Variants in TLN2 observed in about 807,000 individuals in gnomAD.
TLN2 encodes the protein talin-2.
In TLN2, 118 loss-of-function variants were observed where a neutral mutation model predicts 294.7. The observed-to-expected ratio is 0.40, with a 90% CI of 0.34 to 0.47. TLN2 has a LOEUF of 0.47. Ranked by LOEUF, TLN2 falls within the 20% of genes least tolerant of loss-of-function variation. TLN2 has a pLI of 0.84. For missense variants in TLN2, 3,083 were observed against 3,282.2 expected, an observed-to-expected ratio of 0.94 and a Z score of 1.48; for synonymous variants, 1,431 against 1,304.5, an observed-to-expected ratio of 1.10 and a Z score of -2.09.
chr15:62,569,834 G>A (rs2043718037), intron 1 of TLN2, among the ~76,000 whole-genome samples: 1 of 152,182 alleles, frequency 6.6e-6, no homozygotes, highest in Non-Finnish European at 1.5e-5. Flanking sequence ...CAAATGAGAA[G>A]CTATGATTTG....
chr15:62,730,616 T>C (rs2060671355), intron 28 of TLN2, among the ~76,000 whole-genome samples: 1 of 152,248 alleles, frequency 6.6e-6, no homozygotes, highest in Non-Finnish European at 1.5e-5. Flanking sequence ...GTGGATAATA[T>C]CACTTACACA....
At chr15:62,723,129 C>G (rs2060245819) in intron 26 of TLN2, among the ~76,000 whole-genome samples, 1 of 152,122 alleles carries the variant, frequency 6.6e-6, no homozygotes, top group Non-Finnish European at 1.5e-5. Context: ...TTGTAGCAAT[C>G]CCTTTATAGA....
At chr15:62,809,819 C>A (rs2066555207) in intron 51 of TLN2, 106 bp from the exon 52 acceptor site, 3 of 980,678 alleles carry the variant, frequency 3.1e-6, no homozygotes, top group African/African-American at 1.6e-5. Flanking sequence ...GGAGTCAGGG[C>A]AGTTTCTTGA....
chr15:62,670,432 C>A (rs539651657), intron 9 of TLN2, among the ~76,000 whole-genome samples: 4 of 152,232 alleles, frequency 2.6e-5, no homozygotes, highest in Admixed American at 2.6e-4. Context: ...ATGTTGGTGC[C>A]GTCCAATTCT....
chr15:62,792,547 C>T (rs2065146654), intron 45 of TLN2, 94 bp from the exon 46 acceptor site: 1 of 1,517,146 alleles, frequency 6.6e-7, no homozygotes, highest in Non-Finnish European at 8.9e-7. Context: ...AGCCAGGCTC[C>T]CATAGGACAT....
intron 1 of TLN2, among the ~76,000 whole-genome samples, chr15:62,555,182 T>G (rs1028372259): frequency 2.0e-5 from 3 of 152,174 alleles, no homozygotes; most frequent in Admixed American, 2.0e-4. Context: ...GAGAGGCCCT[T>G]AGTAGAATGT....
chr15:62,532,006 G>A (rs918728098), intron 1 of TLN2, among the ~76,000 whole-genome samples: 1 of 151,830 alleles, frequency 6.6e-6, no homozygotes, highest in Non-Finnish European at 1.5e-5. Flanking sequence ...TTCAAATATC[G>A]CACACTGGGA....
At chr15:62,767,089 G>A (rs534572864) in intron 41 of TLN2, among the ~76,000 whole-genome samples, 1 of 152,262 alleles carries the variant, frequency 6.6e-6, no homozygotes, top group Non-Finnish European at 1.5e-5. Context: ...GGGTTTCCTA[G>A]CATTTTATCA....
chr15:62,743,872 C>T (rs1223200552), intron 32 of TLN2, among the ~76,000 whole-genome samples: 1 of 152,138 alleles, frequency 6.6e-6, no homozygotes, highest in Admixed American at 6.5e-5. Flanking sequence ...CTTTCCAGTC[C>T]ACAGAGGATG....
intron 1 of TLN2, among the ~76,000 whole-genome samples, chr15:62,444,941 C>T (rs2035741586): frequency 6.6e-6 from 1 of 152,040 alleles, no homozygotes; most frequent in Admixed American, 6.6e-5. Context: ...AGCCACTGGG[C>T]CTTACTGATG....
intron 1 of TLN2, among the ~76,000 whole-genome samples, chr15:62,581,121 C>T (rs895229745): frequency 6.6e-6 from 1 of 152,100 alleles, no homozygotes; most frequent in Non-Finnish European, 1.5e-5. Flanking sequence ...CTCAAGTGAT[C>T]CGCCTGCCTT....
At chr15:62,587,755 G>A (rs2045731230) in intron 1 of TLN2, among the ~76,000 whole-genome samples, 1 of 152,198 alleles carries the variant, frequency 6.6e-6, no homozygotes, top group Admixed American at 6.5e-5. Context: ...AATCTCCCAG[G>A]TGGCTACAGA....
chr15:62,422,219 CAAAA>C (rs386383227), intron 1 of TLN2, among the ~76,000 whole-genome samples: 2 of 55,356 alleles, frequency 3.6e-5, no homozygotes, highest in Admixed American at 2.4e-4. Context: ...AACTCTGTCT[CAAAA>C]AAAAAAAAAA....
At chr15:62,799,516 C>A (rs570621308) in intron 48 of TLN2, among the ~76,000 whole-genome samples, 3 of 152,336 alleles carry the variant, frequency 2.0e-5, no homozygotes, top group South Asian at 4.1e-4. Flanking sequence ...TAATGCATCA[C>A]ATCCAGGTTT....
chr15:62,771,221 C>T, intron 42 of TLN2, 87 bp downstream of exon 42: 1 of 1,384,612 alleles, frequency 7.2e-7, no homozygotes, highest in Non-Finnish European at 9.5e-7. Flanking sequence ...CAGGAGAAAA[C>T]ACTTCCAGTT....
chr15:62,636,256 A>AGATG (rs1452539681), intron 3 of TLN2, among the ~76,000 whole-genome samples: 1 of 150,916 alleles, frequency 6.6e-6, no homozygotes, highest in Non-Finnish European at 1.5e-5. Flanking sequence ...TGTAATAGAT[A>AGATG]GATAGATAGA....
At chr15:62,691,670 T>C (rs1214692336) in intron 12 of TLN2, among the ~76,000 whole-genome samples, 1 of 152,106 alleles carries the variant, frequency 6.6e-6, no homozygotes, top group Admixed American at 6.5e-5. Context: ...ATCCTAGACA[T>C]CTTGGTTATT....
Position 62,537,497 on chromosome 15 carries a change from A to G in TLN2, c.-237-52190A>G, listed in dbSNP as rs116664973. Among the ~76,000 whole-genome samples, 524 of 152,352 alleles carry G rather than the reference A, an allele frequency of 3.4e-3. 4 individuals are homozygous for G. Among genetic ancestry groups the G allele is most frequent in the African/African-American group, 0.012 (500 of 41,590 alleles). On this transcript the variant is annotated intron_variant, in intron 1 of 58. Coordinates refer to ENST00000636159, the MANE Select transcript of TLN2 (RefSeq NM_015059.3). ...CTCCTAGAAAGTGGAGTAATGCCATAAAGTATCTAAAACACTGTAAAAAAG... is the reference window on the plus strand; with the variant it reads ...CTCCTAGAAAGTGGAGTAATGCCATGAAGTATCTAAAACACTGTAAAAAAG...
chr15:62,658,528 C>T (rs2053474124), intron 9 of TLN2, among the ~76,000 whole-genome samples: 1 of 152,158 alleles, frequency 6.6e-6, no homozygotes, highest in Non-Finnish European at 1.5e-5. Flanking sequence ...AAAAAGCAAA[C>T]CTCTGCCCTT....
Sources: allele counts gnomAD v4.1 joint callset (sites outside exome capture counted in the v4.1 genomes callset), GRCh38; gene constraint gnomAD v4.1.1; transcripts MANE v1.5; gene names NCBI Gene and HGNC (gene_info 2026-07-23, HGNC 2026-07-21).